The following LRCH1 variants were observed in gnomAD, a reference collection of about 807,000 sequenced individuals.
LRCH1 encodes leucine rich repeats and calponin homology domain containing 1, also known as leucine-rich repeat and calponin homology domain-containing protein 1.
LRCH1 carries 23 observed loss-of-function variants against 94.9 expected under a neutral mutation model. The ratio of observed to expected loss-of-function variants is 0.24; its 90% CI spans 0.17 to 0.34. The LOEUF is 0.34. Ranked by LOEUF, LRCH1 falls within the 10% of genes least tolerant of loss-of-function variation. LRCH1 has a pLI of 1.00. For synonymous variants in LRCH1, 364 were observed against 354.9 expected (o/e 1.03, Z -0.29); for missense variants, 790 against 945.9 (o/e 0.84, Z 2.16).
chr13:46,636,352 A>G (rs747802066), intron 1 of LRCH1, among the ~76,000 whole-genome samples: 6 of 152,142 alleles, frequency 3.9e-5, no homozygotes, highest in Non-Finnish European at 4.4e-5. Context: ...GATTACAGGC[A>G]TGAGCCACTG....
At chr13:46,665,279 G>T (rs574897184) in intron 2 of LRCH1, among the ~76,000 whole-genome samples, 1 of 152,198 alleles carries the variant, frequency 6.6e-6, no homozygotes, top group African/African-American at 2.4e-5. Flanking sequence ...CTAAGATTGA[G>T]ACTCAAACTA....
At chr13:46,713,990 A>G (rs540833078) in intron 15 of LRCH1, among the ~76,000 whole-genome samples, 1 of 152,368 alleles carries the variant, frequency 6.6e-6, no homozygotes, top group South Asian at 2.1e-4. Flanking sequence ...TTTTGAATGT[A>G]TAACTTGCAA....
downstream of LRCH1, among the ~76,000 whole-genome samples, chr13:46,745,680 C>T (rs561477800): frequency 3.9e-4 from 60 of 152,272 alleles, no homozygotes; most frequent in African/African-American, 1.4e-3. Flanking sequence ...TTAAAGCTCT[C>T]GTACATCAAA....
chr13:46,590,328 C>T (rs2050485400), intron 1 of LRCH1, among the ~76,000 whole-genome samples: 1 of 152,170 alleles, frequency 6.6e-6, no homozygotes, highest in East Asian at 1.9e-4. Flanking sequence ...TCTTCCATGG[C>T]CATGAGTATG....
intron 1 of LRCH1, among the ~76,000 whole-genome samples, chr13:46,556,776 G>A (rs1594240939): frequency 6.6e-6 from 1 of 152,094 alleles, no homozygotes; most frequent in Non-Finnish European, 1.5e-5. Flanking sequence ...AGAGGGAAGG[G>A]GTTGAGAGAT....
At chr13:46,723,436 C>T (rs1421687148) in intron 17 of LRCH1, 106 bp downstream of exon 17, 2 of 848,702 alleles carry the variant, frequency 2.4e-6, no homozygotes, top group East Asian at 5.3e-5. Flanking sequence ...CAAATCTAGC[C>T]AGGTCACTTA....
intron 2 of LRCH1, among the ~76,000 whole-genome samples, chr13:46,651,560 C>T (rs1369634896): frequency 6.6e-6 from 1 of 151,602 alleles, no homozygotes; most frequent in Non-Finnish European, 1.5e-5. Flanking sequence ...CTCAACGAAG[C>T]TGAGGCAGGA....
At chr13:46,565,718 A>G (rs556856815) in intron 1 of LRCH1, among the ~76,000 whole-genome samples, 128 of 151,768 alleles carry the variant, frequency 8.4e-4, no homozygotes, top group African/African-American at 2.8e-3. Flanking sequence ...GGCTAGGGCA[A>G]GAGAATCGCT....
At chr13:46,576,153 A>G (rs1350905343) in intron 1 of LRCH1, among the ~76,000 whole-genome samples, 1 of 152,168 alleles carries the variant, frequency 6.6e-6, no homozygotes, top group Non-Finnish European at 1.5e-5. Flanking sequence ...GCTGGATTAG[A>G]CATTTGCCGT....
intron 19 of LRCH1, among the ~76,000 whole-genome samples, chr13:46,736,226 A>G (rs925527779): frequency 6.6e-6 from 1 of 151,962 alleles, no homozygotes; most frequent in African/African-American, 2.4e-5. Flanking sequence ...TACTTCTACT[A>G]GACAAAAAGT....
At chr13:46,635,209 C>T (rs912928310) in intron 1 of LRCH1, among the ~76,000 whole-genome samples, 4 of 152,166 alleles carry the variant, frequency 2.6e-5, no homozygotes, top group African/African-American at 9.7e-5. Flanking sequence ...CTCACACCGC[C>T]GTGCTCTTCT....
At chr13:46,686,882 C>T (rs560506602) in intron 5 of LRCH1, among the ~76,000 whole-genome samples, 2 of 151,830 alleles carry the variant, frequency 1.3e-5, no homozygotes, top group East Asian at 1.9e-4. Context: ...CTATGCTAAT[C>T]ACTCCAACTC....
In LRCH1 at chr13:46,742,681, C is replaced by T. The variant is rs542090999; in HGVS notation, c.*833C>T. The stretch of plus-strand genomic sequence containing the variant: ...AGATTTCTATTTTTGAACAATGGAA[C>T]GGATCACTGCTTTTTTGCCACATCA... On this transcript the variant is annotated 3_prime_UTR_variant, in exon 20 of 20. Transcript: ENST00000389797. The T allele has an allele frequency of 4.1e-6, 4 of 985,260 alleles. No homozygotes were observed. Among genetic ancestry groups the T allele is most frequent in the Admixed American group, 6.1e-5 (1 of 16,268 alleles). The allele number at this position is 985,260 out of a possible 1,614,324, so 61.0% of individuals were successfully genotyped here.
chr13:46,669,214 A>G, intron 3 of LRCH1, 58 bp downstream of exon 3: 1 of 1,590,974 alleles, frequency 6.3e-7, no homozygotes, highest in South Asian at 1.1e-5. Flanking sequence ...ATAGCCTCTC[A>G]AGGTATTCAG....
chr13:46,616,815 G>T (rs536921005), intron 1 of LRCH1, among the ~76,000 whole-genome samples: 4 of 152,330 alleles, frequency 2.6e-5, no homozygotes, highest in East Asian at 1.9e-4. Context: ...TCAGCAAAGG[G>T]TGGTGGATTA....
At chr13:46,718,026 A>G (rs1392590639) in intron 16 of LRCH1, among the ~76,000 whole-genome samples, 1 of 152,156 alleles carries the variant, frequency 6.6e-6, no homozygotes, top group African/African-American at 2.4e-5. Flanking sequence ...GCTGGATGGG[A>G]CAGCTTTAAC....
chr13:46,689,241 T>G lies in LRCH1; in HGVS notation c.1014+45T>G, dbSNP rs370881209. ...TCTTTTCCTTCTGTACTTCTAGACA[T>G]ATCTACCAGTGTTCATTGAACTCCT... On this transcript the variant is annotated intron_variant, in intron 7 of 19. Coordinates refer to ENST00000389797, the MANE Select transcript of LRCH1 (RefSeq NM_001164211.2). 2.5e-5 allele frequency: 36 copies of G among 1,459,924 alleles called. No individual in the cohort carries two copies. The African/African-American group carries it at 3.8e-4, about 15-fold the overall frequency. The allele number at this position is 1,459,924 out of a possible 1,614,324, so 90.4% of individuals were successfully genotyped here.
intron 1 of LRCH1, among the ~76,000 whole-genome samples, chr13:46,639,814 C>T (rs980687889): frequency 2.0e-5 from 3 of 152,222 alleles, no homozygotes; most frequent in Non-Finnish European, 4.4e-5. Context: ...ACCAGTGTCC[C>T]TACAGTAATC....
chr13:46,569,107 G>A (rs992635700), intron 1 of LRCH1, among the ~76,000 whole-genome samples: 4 of 152,000 alleles, frequency 2.6e-5, no homozygotes, highest in East Asian at 1.9e-4. Context: ...CCCTCTTTAC[G>A]TAGTCTTACT....
Sources: allele counts gnomAD v4.1 joint callset (sites outside exome capture counted in the v4.1 genomes callset), GRCh38; gene constraint gnomAD v4.1.1; transcripts MANE v1.5; gene names NCBI Gene and HGNC (gene_info 2026-07-23, HGNC 2026-07-21).